Variants in CCDC171 observed in about 807,000 individuals in gnomAD.
The protein encoded by CCDC171 is coiled-coil domain-containing protein 171.
CCDC171 carries 177 observed loss-of-function variants against 168.2 expected under a neutral mutation model. The ratio of observed to expected loss-of-function variants is 1.05; its 90% CI spans 0.93 to 1.19. The LOEUF (loss-of-function observed/expected upper bound fraction) is 1.19. CCDC171 is among the 50% of genes most tolerant of loss of function. The probability of loss-of-function intolerance (pLI) is 0.00; values close to 1 mark genes in which losing one functional copy is unlikely to be tolerated. For synonymous variants in CCDC171, 687 were observed against 540.8 expected, an observed-to-expected ratio of 1.27 and a Z score of -3.75; for missense variants, 1,991 against 1,539.0, an observed-to-expected ratio of 1.29 and a Z score of -4.91.
intron 10 of CCDC171, among the ~76,000 whole-genome samples, chr9:15,693,465 G>T (rs1054159047): frequency 1.7e-5 from 2 of 120,028 alleles, no homozygotes; most frequent in Non-Finnish European, 3.5e-5. Flanking sequence ...GGGATACACT[G>T]GTGAGGACAA....
upstream of CCDC171, among the ~76,000 whole-genome samples, chr9:16,040,963 G>A (rs1833562171): frequency 6.6e-6 from 1 of 152,074 alleles, no homozygotes; most frequent in Non-Finnish European, 1.5e-5. Flanking sequence ...TTCTTTTGAG[G>A]AGAGGTGTTT....
intron 3 of CCDC171, among the ~76,000 whole-genome samples, chr9:15,993,683 G>C (rs964190827): frequency 6.6e-6 from 1 of 152,132 alleles, no homozygotes; most frequent in Non-Finnish European, 1.5e-5. Context: ...GAAAATTTTT[G>C]CAATCTACTC....
chr9:15,560,478 G>C (rs1170428670), intron 1 of CCDC171, among the ~76,000 whole-genome samples: 2 of 151,682 alleles, frequency 1.3e-5, no homozygotes, highest in Admixed American at 1.3e-4. Flanking sequence ...TCATTCATTT[G>C]TTCTTCAATC....
At chr9:15,986,142 G>A (rs1157757958) in intron 3 of CCDC171, among the ~76,000 whole-genome samples, 1 of 152,208 alleles carries the variant, frequency 6.6e-6, no homozygotes, top group African/African-American at 2.4e-5. Flanking sequence ...TCATTGCTGT[G>A]AGTCTTAAAA....
At chr9:15,918,962 T>C (rs1216307425) in intron 24 of CCDC171, among the ~76,000 whole-genome samples, 2 of 151,696 alleles carry the variant, frequency 1.3e-5, no homozygotes, top group African/African-American at 4.8e-5. Flanking sequence ...AAACAAGTAC[T>C]CACTATCCCT....
chr9:15,562,059 A>C (rs779406694), intron 1 of CCDC171, among the ~76,000 whole-genome samples: 1 of 151,836 alleles, frequency 6.6e-6, no homozygotes, highest in African/African-American at 2.4e-5. Context: ...CAGTGGCGCA[A>C]TCTTGGCTCA....
intron 21 of CCDC171, among the ~76,000 whole-genome samples, 198 bp downstream of exon 21, chr9:15,784,892 A>G (rs1324688303): frequency 6.6e-6 from 1 of 152,140 alleles, no homozygotes; most frequent in South Asian, 2.1e-4. Flanking sequence ...AGTAGGCTTT[A>G]CTTGCTGGTT....
chr9:15,555,193 C>T (rs1402552417), intron 1 of CCDC171, among the ~76,000 whole-genome samples: 3 of 152,128 alleles, frequency 2.0e-5, no homozygotes, highest in African/African-American at 7.2e-5. Context: ...TTTAAAAATG[C>T]TTCTCATTGA....
chr9:16,041,277 G>T (rs79631794), upstream of CCDC171, among the ~76,000 whole-genome samples: 965 of 152,282 alleles, frequency 6.3e-3, 12 homozygotes, highest in African/African-American at 0.021. Context: ...GGCCAACTAG[G>T]TCAGTGGGAG....
intron 21 of CCDC171, among the ~76,000 whole-genome samples, chr9:15,799,617 C>T (rs970899462): frequency 3.3e-5 from 5 of 152,064 alleles, no homozygotes; most frequent in African/African-American, 1.2e-4. Context: ...GTGTTGCGAA[C>T]AATCCAATTA....
At chr9:16,071,347 A>G in the CCDC171 span, among the ~76,000 whole-genome samples, 6 of 152,062 alleles carry the variant, frequency 3.9e-5, no homozygotes, top group Non-Finnish European at 8.8e-5. Flanking sequence ...TGTCTCTCCC[A>G]TACAGAGTCT....
chr9:15,828,973 G>A (rs575050541), intron 21 of CCDC171, among the ~76,000 whole-genome samples: 1 of 152,290 alleles, frequency 6.6e-6, no homozygotes, highest in Non-Finnish European at 1.5e-5. Context: ...TCCTGTCTCT[G>A]CTAGGAGAAT....
chr9:15,662,979 T>TCAACAA (rs139672521), intron 8 of CCDC171, among the ~76,000 whole-genome samples: 1,651 of 150,228 alleles, frequency 0.011, 11 homozygotes, highest in South Asian at 0.031. Flanking sequence ...AGACTTCGTC[T>TCAACAA]CAACAACAAC....
rs1588931698 is a variant in CCDC171 at position 15,869,551 on chromosome 9, G to A, written c.3469-4981G>A. ...TTGTTTTTGTTTTTTTTGCTACTGT[G>A]TATTACAGAGTATATGGTTAACTCT... On this transcript the variant is annotated intron_variant, in intron 23 of 25. Transcript: ENST00000380701. 4.0e-5 allele frequency among the ~76,000 whole-genome samples: 6 copies of A among 148,994 alleles called. No individual in the cohort carries two copies. The South Asian group carries it at 1.1e-3, about 26-fold the overall frequency.
At chr9:15,645,109 G>A (rs1055619034) in intron 7 of CCDC171, among the ~76,000 whole-genome samples, 8 of 152,168 alleles carry the variant, frequency 5.3e-5, no homozygotes, top group Non-Finnish European at 1.0e-4. Context: ...TGCAGCTTCC[G>A]CTGCTGATAT....
At position 15,579,488 on chromosome 9, in the gene CCDC171, C is replaced by T. The variant is rs187472923; in HGVS notation, c.352+465C>T. Among the ~76,000 whole-genome samples, 121 of 152,286 alleles carry T rather than the reference C, an allele frequency of 7.9e-4. 1 individual carries two copies. The highest frequency in any genetic ancestry group is 2.7e-3 in the African/African-American group (114 of 41,564). ...GTGTGGTGCCTGGAAAAGAAAAAGT[C>T]ACTGGATTTAATCTTCAAAAGCTAT... On this transcript the variant is annotated intron_variant, in intron 4 of 25. Transcript: ENST00000380701.
chr9:15,860,642 A>G (rs1225456088), intron 23 of CCDC171, among the ~76,000 whole-genome samples: 1 of 151,964 alleles, frequency 6.6e-6, no homozygotes, highest in Non-Finnish European at 1.5e-5. Flanking sequence ...ATATTCTTAA[A>G]TCTATTAAGA....
At chr9:15,905,137 T>A (rs1192256158) in intron 24 of CCDC171, among the ~76,000 whole-genome samples, 1 of 152,112 alleles carries the variant, frequency 6.6e-6, no homozygotes, top group Non-Finnish European at 1.5e-5. Context: ...AACAAAGATA[T>A]CCAGGAATTG....
chr9:16,104,526 C>A, the CCDC171 span, among the ~76,000 whole-genome samples: 6 of 152,162 alleles, frequency 3.9e-5, no homozygotes, highest in Non-Finnish European at 8.8e-5. Context: ...ATTGACTGAG[C>A]TGCTTTAAGC....
Sources: allele counts gnomAD v4.1 joint callset (sites outside exome capture counted in the v4.1 genomes callset), GRCh38; gene constraint gnomAD v4.1.1; transcripts MANE v1.5; gene names NCBI Gene and HGNC (gene_info 2026-07-23, HGNC 2026-07-21).